IL1RAPL1: variants seen among roughly 807,000 people sequenced by gnomAD.
IL1RAPL1 encodes the protein interleukin 1 receptor accessory protein like 1.
A neutral mutation model predicts 48.4 loss-of-function variants in IL1RAPL1; 3 were observed. The observed-to-expected ratio is 0.06, with a 90% CI of 0.03 to 0.16. The LOEUF is 0.16. Among genes scored for constraint, IL1RAPL1 ranks in the 10% least tolerant of loss-of-function variants. IL1RAPL1 has a pLI of 1.00. For synonymous variants in IL1RAPL1, 185 were observed against 187.7 expected, an observed-to-expected ratio of 0.99 and a Z score of 0.12; for missense variants, 349 against 530.6, an observed-to-expected ratio of 0.66 and a Z score of 3.36.
chrX:29,744,750 A>G (rs934836368), intron 6 of IL1RAPL1, among the ~76,000 whole-genome samples: 9 of 112,149 alleles, frequency 8.0e-5, no homozygotes, highest in African/African-American at 2.9e-4. Context: ...AGTGATTAAA[A>G]ATGAGTCGTT....
In IL1RAPL1 at chrX:29,511,754, G is replaced by T. The variant is rs770790993; in HGVS notation, c.703+112446G>T. ...ACTGACAAATTGTATAATAATTTCT[G>T]GTGTGACCATATTCATTTTATTGAC... is the stretch of plus-strand genomic sequence containing the variant. On this transcript the variant is annotated intron_variant, in intron 5 of 10. Transcript: ENST00000378993. Among the ~76,000 whole-genome samples, 7 of 111,190 alleles carry T rather than the reference G, an allele frequency of 6.3e-5. No individual in the cohort carries two copies. The South Asian group carries it at 2.6e-3, about 42-fold the overall frequency.
intron 6 of IL1RAPL1, among the ~76,000 whole-genome samples, chrX:29,873,216 A>C (rs1931833963): frequency 9.8e-6 from 1 of 101,696 alleles, no homozygotes; most frequent in South Asian, 3.9e-4. Flanking sequence ...GTAGCAAATA[A>C]AAAAAAAAAT....
At chrX:28,607,227 C>T (rs1458551998) in intron 1 of IL1RAPL1, among the ~76,000 whole-genome samples, 1 of 109,366 alleles carries the variant, frequency 9.1e-6, no homozygotes, top group East Asian at 2.9e-4. Context: ...TAATTAAAGT[C>T]GACGACAGAA....
intron 6 of IL1RAPL1, among the ~76,000 whole-genome samples, chrX:29,840,921 C>T (rs1931124203): frequency 9.0e-6 from 1 of 111,712 alleles, no homozygotes; most frequent in Admixed American, 9.5e-5. Flanking sequence ...CCAATGAATT[C>T]CTAATAGCAA....
chrX:29,740,315 A>G (rs1256401749), intron 6 of IL1RAPL1, among the ~76,000 whole-genome samples: 3 of 110,994 alleles, frequency 2.7e-5, no homozygotes, highest in African/African-American at 9.8e-5. Context: ...ATCAGATTCT[A>G]TGACCCAGAC....
At position 29,955,682 on chromosome X, in the gene IL1RAPL1, C is replaced by T. The variant is rs1165899128; in HGVS notation, c.1953C>T (p.Asn651=). ...TSIGNQHTYC[N]IPMTLINGQR... ...TAGGCAATCAGCATACCTACTGTAA[C>T]ATCCCTATGACACTCATCAACGGGC... Residue 651 remains asparagine, a synonymous_variant, in exon 11 of 11, where the codon AAC becomes AAT. Transcript: ENST00000378993. 8.3e-7 allele frequency: 1 copy of T among 1,211,799 alleles called. No homozygotes were observed.
intron 3 of IL1RAPL1, among the ~76,000 whole-genome samples, chrX:29,317,929 A>G (rs903061309): frequency 1.1e-4 from 12 of 112,058 alleles, no homozygotes; most frequent in Non-Finnish European, 1.3e-4. Flanking sequence ...AGGCAGCAAC[A>G]TATTTGAGAA....
intron 1 of IL1RAPL1, among the ~76,000 whole-genome samples, chrX:28,747,529 G>A (rs1047267028): frequency 9.0e-6 from 1 of 110,782 alleles, no homozygotes; most frequent in African/African-American, 3.3e-5. Flanking sequence ...TAATCCCAGC[G>A]ACTCGGGAGG....
intron 2 of IL1RAPL1, among the ~76,000 whole-genome samples, chrX:29,230,525 A>AAAAACAAAC (rs1931180690): frequency 1.0e-5 from 1 of 98,231 alleles, no homozygotes; most frequent in Non-Finnish European, 2.0e-5. Context: ...AAAAAAAAAA[A>AAAAACAAAC]AAAAAAAAAA....
chrX:29,800,530 A>T (rs1480673558), intron 6 of IL1RAPL1, among the ~76,000 whole-genome samples: 2 of 110,850 alleles, frequency 1.8e-5, no homozygotes, highest in Non-Finnish European at 3.8e-5. Context: ...AGACACACAC[A>T]CAAACACACA....
At chrX:29,951,926 A>T (rs887898741) in intron 9 of IL1RAPL1, among the ~76,000 whole-genome samples, 22 of 111,598 alleles carry the variant, frequency 2.0e-4, no homozygotes, top group African/African-American at 6.5e-4. Context: ...GATGTTATGG[A>T]AGGAAAGGAT....
chrX:28,902,661 G>A (rs1923109529), intron 2 of IL1RAPL1, among the ~76,000 whole-genome samples: 1 of 111,717 alleles, frequency 9.0e-6, no homozygotes, highest in Admixed American at 9.6e-5. Flanking sequence ...GAAAAAATGA[G>A]GACAGGAAGT....
chrX:28,999,070 C>G (rs1161410956), intron 2 of IL1RAPL1, among the ~76,000 whole-genome samples: 1 of 111,367 alleles, frequency 9.0e-6, no homozygotes, highest in African/African-American at 3.3e-5. Context: ...AGGAAACAGG[C>G]TGTTAGAGCT....
chrX:29,920,150 A>T, intron 8 of IL1RAPL1, 56 bp downstream of exon 8: 3 of 1,168,291 alleles, frequency 2.6e-6, no homozygotes, highest in Non-Finnish European at 3.5e-6. Context: ...GGGAGAAAAA[A>T]TCATTGGGAA....
chrX:29,905,180 G>A (rs1313303754), intron 6 of IL1RAPL1, among the ~76,000 whole-genome samples: 13 of 110,823 alleles, frequency 1.2e-4, no homozygotes, highest in Admixed American at 1.2e-3. Context: ...CTTTTGAGAA[G>A]TGTCTGTTCA....
intron 2 of IL1RAPL1, among the ~76,000 whole-genome samples, chrX:28,907,128 C>A (rs1330579995): frequency 9.0e-6 from 1 of 111,257 alleles, no homozygotes; most frequent in East Asian, 2.8e-4. Flanking sequence ...AATTTTCTGA[C>A]AGTTTTTATT....
intron 6 of IL1RAPL1, among the ~76,000 whole-genome samples, chrX:29,766,454 AATATATATATATTTATATATCCAAAT>A (rs1569163337): frequency 3.4e-5 from 3 of 89,209 alleles, no homozygotes; most frequent in Admixed American, 1.5e-4. Context: ...TATATGTCCA[AATATATATATATTTATATATCCAAAT>A]ATATATATAT....
At chrX:29,198,004 C>T (rs748110505) in intron 2 of IL1RAPL1, among the ~76,000 whole-genome samples, 2 of 111,396 alleles carry the variant, frequency 1.8e-5, no homozygotes, top group Non-Finnish European at 3.8e-5. Flanking sequence ...CCACCGTGCC[C>T]GGCCTCTTCT....
intron 2 of IL1RAPL1, among the ~76,000 whole-genome samples, chrX:28,840,654 A>T (rs1214896141): frequency 9.0e-6 from 1 of 111,272 alleles, no homozygotes; most frequent in Non-Finnish European, 1.9e-5. Context: ...TAACTTAATA[A>T]TAAGTATATA....
Sources: allele counts gnomAD v4.1 joint callset (sites outside exome capture counted in the v4.1 genomes callset), GRCh38; gene constraint gnomAD v4.1.1; transcripts MANE v1.5; gene names NCBI Gene and HGNC (gene_info 2026-07-23, HGNC 2026-07-21).